FCHO2: variants seen among roughly 807,000 people sequenced by gnomAD.
FCHO2 encodes F-BAR domain only protein 2.
Under a neutral mutation model 114.1 loss-of-function variants are expected in FCHO2, and 43 were observed. The ratio of observed to expected loss-of-function variants is 0.38; its 90% CI spans 0.30 to 0.49. FCHO2 has a LOEUF of 0.49. Ranked by LOEUF, FCHO2 falls within the 20% of genes least tolerant of loss-of-function variation. The probability of loss-of-function intolerance (pLI) is 0.97; values close to 1 mark genes in which losing one functional copy is unlikely to be tolerated. For missense variants in FCHO2, 807 were observed against 950.4 expected, an observed-to-expected ratio of 0.85 and a Z score of 1.98; for synonymous variants, 293 against 315.2, an observed-to-expected ratio of 0.93 and a Z score of 0.75.
intron 17 of FCHO2, among the ~76,000 whole-genome samples, chr5:73,059,940 C>T (rs1016567595): frequency 2.6e-5 from 4 of 151,830 alleles, no homozygotes; most frequent in Admixed American, 6.6e-5. Context: ...GCAGTATTTT[C>T]GAATTTTGTT....
chr5:72,999,446 G>T (rs1379119747), intron 5 of FCHO2, among the ~76,000 whole-genome samples: 1 of 137,848 alleles, frequency 7.3e-6, no homozygotes, highest in Non-Finnish European at 1.5e-5. Flanking sequence ...GCAGTGGCAC[G>T]ATCTTGGCTC....
intron 19 of FCHO2, among the ~76,000 whole-genome samples, chr5:73,070,493 A>C (rs1265995719): frequency 6.7e-6 from 1 of 150,104 alleles, no homozygotes; most frequent in Non-Finnish European, 1.5e-5. Flanking sequence ...TCTATATTTT[A>C]GTCCTAAAAA....
At chr5:73,068,619 G>C in intron 18 of FCHO2, 31 bp from the exon 19 acceptor site, 1 of 1,603,936 alleles carries the variant, frequency 6.2e-7, no homozygotes, top group Non-Finnish European at 8.5e-7. Context: ...TATTGTTTTA[G>C]CATTTTGATA....
intron 5 of FCHO2, among the ~76,000 whole-genome samples, chr5:73,000,987 AG>A (rs1405522450): frequency 5.3e-5 from 8 of 152,168 alleles, no homozygotes; most frequent in African/African-American, 1.9e-4. Context: ...TTCTACCTTA[AG>A]AATTTATAGC....
intron 2 of FCHO2, among the ~76,000 whole-genome samples, chr5:72,973,947 C>A (rs1452676324): frequency 3.3e-5 from 5 of 150,456 alleles, no homozygotes; most frequent in Non-Finnish European, 7.4e-5. Context: ...TTTCTGCCTT[C>A]ATTTCGTTAT....
chr5:73,067,556 C>T (rs1422631480), intron 18 of FCHO2, among the ~76,000 whole-genome samples: 3 of 152,030 alleles, frequency 2.0e-5, no homozygotes, highest in African/African-American at 7.2e-5. Context: ...AAATGTGTAT[C>T]TCTAAGTTTA....
chr5:73,066,856 C>T (rs979954213), intron 18 of FCHO2, among the ~76,000 whole-genome samples: 2 of 151,890 alleles, frequency 1.3e-5, no homozygotes, highest in African/African-American at 4.8e-5. Flanking sequence ...GCCCTCCATG[C>T]GATTCTGATG....
chr5:73,002,160 G>A (rs979584290), intron 5 of FCHO2, among the ~76,000 whole-genome samples: 2 of 152,066 alleles, frequency 1.3e-5, no homozygotes, highest in Non-Finnish European at 2.9e-5. Flanking sequence ...TTTATAGTGA[G>A]AATATCATGA....
At chr5:73,069,565 A>G (rs868469831) in intron 19 of FCHO2, among the ~76,000 whole-genome samples, 3 of 151,944 alleles carry the variant, frequency 2.0e-5, no homozygotes, top group Non-Finnish European at 4.4e-5. Flanking sequence ...ATGAGAGTCT[A>G]ATGCCGCTGC....
intron 6 of FCHO2, among the ~76,000 whole-genome samples, chr5:73,008,496 G>A (rs1190422839): frequency 6.6e-6 from 1 of 152,090 alleles, no homozygotes; most frequent in African/African-American, 2.4e-5. Context: ...AAGATTAGAT[G>A]AAGAACTGTT....
chr5:73,022,354 A>C (rs1023165392), intron 8 of FCHO2, among the ~76,000 whole-genome samples: 1 of 152,186 alleles, frequency 6.6e-6, no homozygotes, highest in Non-Finnish European at 1.5e-5. Flanking sequence ...GTTCTGAATC[A>C]AGCCAATTTT....
chr5:73,087,992 T>G, intron 25 of FCHO2, 76 bp from the exon 26 acceptor site: 1 of 1,585,426 alleles, frequency 6.3e-7, no homozygotes, highest in Middle Eastern at 1.7e-4. Flanking sequence ...GAGTTTTGTA[T>G]TGGTAACCAC....
chr5:72,996,198 G>T (rs567199720), intron 5 of FCHO2, among the ~76,000 whole-genome samples: 44 of 141,250 alleles, frequency 3.1e-4, no homozygotes, highest in African/African-American at 1.2e-3. Flanking sequence ...AGCCAAGATC[G>T]CACCACTGCA....
At chr5:73,047,562 CT>C (rs200064211) in intron 11 of FCHO2, among the ~76,000 whole-genome samples, 18,328 of 142,066 alleles carry the variant, frequency 0.13, 1,234 homozygotes, top group Non-Finnish European at 0.17. Flanking sequence ...AACTTTTTTC[CT>C]TTTTTTTTTT....
intron 11 of FCHO2, among the ~76,000 whole-genome samples, chr5:73,044,398 C>T (rs1465621004): frequency 6.6e-6 from 1 of 152,154 alleles, no homozygotes; most frequent in East Asian, 1.9e-4. Context: ...GCCACCATGC[C>T]TGGCTATGTT....
At chr5:73,026,401 C>G (rs989263570) in intron 8 of FCHO2, among the ~76,000 whole-genome samples, 1 of 151,520 alleles carries the variant, frequency 6.6e-6, no homozygotes, top group Non-Finnish European at 1.5e-5. Flanking sequence ...ACCTGGGAGG[C>G]GGAGGTTGCC....
At chr5:73,085,652 G>A (rs1743274782) in intron 24 of FCHO2, among the ~76,000 whole-genome samples, 1 of 152,002 alleles carries the variant, frequency 6.6e-6, no homozygotes, top group South Asian at 2.1e-4. Context: ...GCACGTGCCT[G>A]TAGTCCCAGT....
intron 3 of FCHO2, among the ~76,000 whole-genome samples, 165 bp downstream of exon 3, chr5:72,989,666 G>C (rs181048129): frequency 1.2e-4 from 19 of 152,210 alleles, no homozygotes; most frequent in African/African-American, 4.3e-4. Flanking sequence ...AAATATAATT[G>C]AACTTGCTGA....
chr5:72,997,175 A>C (rs1754165070), intron 5 of FCHO2: 2 of 1,116,382 alleles, frequency 1.8e-6, no homozygotes, highest in Non-Finnish European at 1.4e-6. Flanking sequence ...CTGGCCTGGA[A>C]CGCCTCCTGA....
Sources: gnomAD v4.1 joint callset for allele counts (sites outside exome capture counted in the v4.1 genomes callset) on GRCh38, gnomAD v4.1.1 for gene constraint, MANE v1.5 for transcripts, NCBI Gene and HGNC (gene_info 2026-07-23, HGNC 2026-07-21) for gene names.